The following DYRK1A variants were observed in gnomAD, a reference collection of about 807,000 sequenced individuals.
The protein encoded by DYRK1A is dual specificity tyrosine phosphorylation regulated kinase 1A.
Under a neutral mutation model 79.7 loss-of-function variants are expected in DYRK1A, and 9 were observed. That is an observed-to-expected ratio of 0.11 (90% CI 0.07 to 0.20). DYRK1A has a LOEUF of 0.20. Among genes scored for constraint, DYRK1A ranks in the 10% least tolerant of loss-of-function variants. The probability of loss-of-function intolerance (pLI) is 1.00; values close to 1 mark genes in which losing one functional copy is unlikely to be tolerated. For synonymous variants in DYRK1A, 349 were observed against 329.7 expected (o/e 1.06, Z -0.63); for missense variants, 622 against 956.0 (o/e 0.65, Z 4.61).
intron 2 of DYRK1A, among the ~76,000 whole-genome samples, chr21:37,470,657 C>T (rs981612347): frequency 4.6e-5 from 7 of 152,126 alleles, no homozygotes; most frequent in African/African-American, 1.7e-4. Flanking sequence ...ATTTATATTC[C>T]TTCCTACCTT....
At chr21:37,413,677 C>T (rs1023949562) in intron 1 of DYRK1A, among the ~76,000 whole-genome samples, 1 of 152,176 alleles carries the variant, frequency 6.6e-6, no homozygotes, top group South Asian at 2.1e-4. Flanking sequence ...TAGCACTAAG[C>T]GCTGGATCTC....
intron 6 of DYRK1A, among the ~76,000 whole-genome samples, chr21:37,489,276 T>TA (rs2052989780): frequency 6.6e-6 from 1 of 152,166 alleles, no homozygotes; most frequent in South Asian, 2.1e-4. Flanking sequence ...GCAGTTGTGT[T>TA]ACAGGTGCTC....
rs1038862937 is a variant in DYRK1A at position 37,523,980 on chromosome 21, C to G, written c.*11449C>G. 1 of 152,152 alleles carries G rather than the reference C, an allele frequency of 6.6e-6. No homozygotes were observed. Among genetic ancestry groups the G allele is most frequent in the Non-Finnish European group, 1.5e-5 (1 of 68,028 alleles). 9.4% of individuals were successfully genotyped at this position (152,152 alleles called of 1,614,324 possible). ...TTATAACTCAGCAGCATTTTGAATG[C>G]CACTTGTATTCCCATGCTACAACAT... On this transcript the variant is annotated 3_prime_UTR_variant, in exon 12 of 12. Transcript: ENST00000647188.
At chr21:37,382,394 G>T (rs924466386) in intron 1 of DYRK1A, among the ~76,000 whole-genome samples, 10 of 152,082 alleles carry the variant, frequency 6.6e-5, no homozygotes, top group African/African-American at 2.4e-4. Context: ...TCCCTGGAGT[G>T]AGTGTAAAGG....
chr21:37,463,163 T>TTGTGTGTGCATGTGTG (rs1350192167), intron 2 of DYRK1A, among the ~76,000 whole-genome samples: 1 of 146,930 alleles, frequency 6.8e-6, no homozygotes, highest in Non-Finnish European at 1.5e-5. Flanking sequence ...GTTGACAAGC[T>TTGTGTGTGCATGTGTG]TGTGTGTGCA....
intron 9 of DYRK1A, among the ~76,000 whole-genome samples, chr21:37,498,737 A>C (rs1353603328): frequency 6.6e-6 from 1 of 152,146 alleles, no homozygotes. Flanking sequence ...GTTTACCTTC[A>C]CAAGAAAACA....
intron 1 of DYRK1A, among the ~76,000 whole-genome samples, chr21:37,398,102 T>A (rs1358577217): frequency 6.8e-6 from 1 of 147,728 alleles, no homozygotes; most frequent in Non-Finnish European, 1.5e-5. Flanking sequence ...TATATTTATA[T>A]ATTTTTGTAT....
At chr21:37,464,316 C>T (rs770981770) in intron 2 of DYRK1A, 8 of 497,408 alleles carry the variant, frequency 1.6e-5, no homozygotes, top group Non-Finnish European at 2.0e-5. Context: ...TATTATAGTT[C>T]CTTGCTAGAA....
chr21:37,457,668 A>G (rs1276777512), intron 2 of DYRK1A, among the ~76,000 whole-genome samples: 14 of 152,220 alleles, frequency 9.2e-5, no homozygotes, highest in Non-Finnish European at 2.1e-4. Flanking sequence ...GCCTCATTGG[A>G]TAATTTTAAG....
intron 1 of DYRK1A, among the ~76,000 whole-genome samples, chr21:37,368,866 G>A (rs1257841066): frequency 6.6e-6 from 1 of 152,168 alleles, no homozygotes; most frequent in Non-Finnish European, 1.5e-5. Context: ...ACCTAGAGAT[G>A]TGTCCCCGTA....
intron 9 of DYRK1A, 36 bp downstream of exon 9, chr21:37,496,294 A>AATAAT (rs541823885): frequency 5.7e-6 from 9 of 1,577,674 alleles, no homozygotes; most frequent in Non-Finnish European, 6.9e-6. Flanking sequence ...AGCCTTTATT[A>AATAAT]AATTTCTTTA....
At position 37,426,859 on chromosome 21, in the gene DYRK1A, G is replaced by A. The variant is rs142739447; in HGVS notation, c.10+6475G>A. On this transcript the variant is annotated intron_variant, in intron 2 of 11. Transcript: ENST00000647188. Reference sequence around the variant, plus strand: ...GGCATGAACCTGGGAGGCGGAGCTTGCAGTGAGCCGAGATAGCGCCACTGG... The same window carrying A: ...GGCATGAACCTGGGAGGCGGAGCTTACAGTGAGCCGAGATAGCGCCACTGG... 3.8e-3 allele frequency among the ~76,000 whole-genome samples: 557 copies of A among 147,330 alleles called. 16 individuals carry two copies. In the East Asian group the frequency reaches 0.066, roughly 17 times the overall value.
chr21:37,479,665 G>A lies in DYRK1A; in HGVS notation c.301-973G>A, dbSNP rs2052564510. Among the ~76,000 whole-genome samples the A allele has an allele frequency of 3.5e-5, 4 of 114,856 alleles. No individual in the cohort carries two copies. In the South Asian group the frequency reaches 1.2e-3, roughly 35 times the overall value. The allele number at this position is 114,856 out of a possible 152,430, so 75.3% of individuals were successfully genotyped here. A position where few individuals can be genotyped will look rare whatever the true frequency, so the allele number is the denominator to read the frequency against. ...GACAGAGTCTCACTTTGTCACCAAG[G>A]CTGCCAGCCTGGAGTGCAGTGGCGC... On this transcript the variant is annotated intron_variant, in intron 4 of 11. Coordinates refer to ENST00000647188, the MANE Select transcript of DYRK1A (RefSeq NM_001347721.2).
chr21:37,365,988 C>G (rs1246544148), upstream of DYRK1A: 1 of 152,136 alleles, frequency 6.6e-6, no homozygotes, highest in Admixed American at 6.5e-5. Context: ...GCCTCAGGGC[C>G]GCCGGGCCCG....
chr21:37,440,344 T>A (rs979876167), intron 2 of DYRK1A, among the ~76,000 whole-genome samples: 2 of 151,598 alleles, frequency 1.3e-5, no homozygotes, highest in Non-Finnish European at 2.9e-5. Flanking sequence ...ACCATGCTGA[T>A]CAGGCTGGTC....
In DYRK1A at chr21:37,505,489, A is replaced by G. The variant is rs1479713702; in HGVS notation, c.1419A>G (p.Thr473=). Residue 473 remains threonine, a synonymous_variant, in exon 10 of 12, where the codon ACA becomes ACG. Transcript: ENST00000647188. ...YALQHSFFKK[T]ADEGTNTSNS... is the part of the protein sequence containing the mutation. ...TGCAGCACAGTTTCTTCAAGAAAACAGCTGATGAAGGTACAAATACAAGTA... is the reference window on the plus strand; with the variant it reads ...TGCAGCACAGTTTCTTCAAGAAAACGGCTGATGAAGGTACAAATACAAGTA... 7 of 1,614,084 alleles carry G rather than the reference A, an allele frequency of 4.3e-6. No individual in the cohort carries two copies. The Admixed American group carries it at 5.0e-5, about 12-fold the overall frequency.
intron 2 of DYRK1A, among the ~76,000 whole-genome samples, chr21:37,420,806 T>TA (rs1052119140): frequency 5.3e-5 from 8 of 152,204 alleles, no homozygotes; most frequent in South Asian, 4.1e-4. Context: ...TACCCATACA[T>TA]ACGGTTTCTT....
At chr21:37,463,893 T>A (rs2051936040) in intron 2 of DYRK1A, among the ~76,000 whole-genome samples, 1 of 152,230 alleles carries the variant, frequency 6.6e-6, no homozygotes, top group African/African-American at 2.4e-5. Flanking sequence ...GTTTCCACAT[T>A]TAGATGCTAT....
chr21:37,365,709 ACT>A (rs1290987437), upstream of DYRK1A: 1 of 152,244 alleles, frequency 6.6e-6, no homozygotes, highest in Admixed American at 6.5e-5. Flanking sequence ...GCGAATTAAG[ACT>A]CTGGAAACCG....
Sources: gnomAD v4.1 joint callset for allele counts (sites outside exome capture counted in the v4.1 genomes callset) on GRCh38, gnomAD v4.1.1 for gene constraint, MANE v1.5 for transcripts, NCBI Gene and HGNC (gene_info 2026-07-23, HGNC 2026-07-21) for gene names.